GATAD2B: variants seen among roughly 807,000 people sequenced by gnomAD.
The protein encoded by GATAD2B is transcriptional repressor p66-beta.
GATAD2B carries 8 observed loss-of-function variants against 64.3 expected under a neutral mutation model. The ratio of observed to expected loss-of-function variants is 0.12; its 90% CI spans 0.07 to 0.22. The LOEUF is 0.22. Among genes scored for constraint, GATAD2B ranks in the 10% least tolerant of loss-of-function variants. GATAD2B has a pLI of 1.00. For missense variants in GATAD2B, 453 were observed against 752.0 expected (o/e 0.60, Z 4.65); for synonymous variants, 281 against 271.3 (o/e 1.04, Z -0.35).
intron 9 of GATAD2B, 32 bp downstream of exon 9, chr1:153,811,990 A>C (rs373415412): frequency 7.1e-7 from 1 of 1,412,372 alleles, no homozygotes; most frequent in Non-Finnish European, 1.0e-6. Flanking sequence ...AAATCTTCTA[A>C]AGAAATCAGG....
chr1:153,836,288 G>A (rs1387668896), intron 1 of GATAD2B, among the ~76,000 whole-genome samples: 4 of 136,108 alleles, frequency 2.9e-5, no homozygotes, highest in Non-Finnish European at 6.3e-5. Context: ...TTTTTAGACA[G>A]TCTGTCACCC....
intron 1 of GATAD2B, among the ~76,000 whole-genome samples, chr1:153,840,374 G>C (rs1186740329): frequency 6.8e-6 from 1 of 147,282 alleles, no homozygotes; most frequent in Non-Finnish European, 1.5e-5. Flanking sequence ...TTTTGCTCTT[G>C]TTGCCCAGGC....
intron 1 of GATAD2B, among the ~76,000 whole-genome samples, chr1:153,862,404 T>C (rs1005331144): frequency 1.3e-4 from 20 of 152,122 alleles, no homozygotes; most frequent in African/African-American, 4.8e-4. Flanking sequence ...ATTACAGGCA[T>C]GAGCCATCAC....
chr1:153,896,684 G>T (rs994363865), intron 1 of GATAD2B, among the ~76,000 whole-genome samples: 5 of 151,920 alleles, frequency 3.3e-5, no homozygotes, highest in Admixed American at 6.6e-5. Flanking sequence ...GATCCGCCTG[G>T]CTCGGCCTCC....
rs1674254773 is a variant in GATAD2B at position 153,810,400 on chromosome 1, T to G, written c.1649-90A>C. The G allele has an allele frequency of 3.0e-6, 4 of 1,341,060 alleles. No individual in the cohort carries two copies. In the East Asian group the frequency reaches 7.1e-5, roughly 24 times the overall value. 83.1% of individuals were successfully genotyped at this position (1,341,060 alleles called of 1,614,324 possible). On this transcript the variant is annotated intron_variant, in intron 10 of 10. Coordinates refer to ENST00000368655, the MANE Select transcript of GATAD2B (RefSeq NM_020699.4). ...TACCCTCGGGCTGCAGAGTTGGAGA[T>G]GGAAAGGAAGCAGAATTTACCAGTA...
chr1:153,906,115 CA>C (rs1317212251), intron 1 of GATAD2B, among the ~76,000 whole-genome samples: 1 of 148,754 alleles, frequency 6.7e-6, no homozygotes, highest in Non-Finnish European at 1.5e-5. Flanking sequence ...CACACACACA[CA>C]AAACAGTGTG....
chr1:153,809,921 C>A lies in GATAD2B; in HGVS notation c.*256G>T. On this transcript the variant is annotated 3_prime_UTR_variant, in exon 11 of 11. Coordinates refer to ENST00000368655, the MANE Select transcript of GATAD2B (RefSeq NM_020699.4). Reference sequence around the variant, plus strand: ...GACCTCTATCAGAGGTAAAGATCCACCTCACTGTTAAAGAAAACTGAAGAG... The same window carrying A: ...GACCTCTATCAGAGGTAAAGATCCAACTCACTGTTAAAGAAAACTGAAGAG... 1 of 381,886 alleles carries A rather than the reference C, an allele frequency of 2.6e-6. No homozygotes were observed. Among genetic ancestry groups the A allele is most frequent in the South Asian group, 4.0e-5 (1 of 24,988 alleles). 23.7% of individuals were successfully genotyped at this position (381,886 alleles called of 1,614,324 possible).
intron 2 of GATAD2B, among the ~76,000 whole-genome samples, chr1:153,823,977 G>C (rs191980128): frequency 1.3e-5 from 2 of 150,322 alleles, no homozygotes; most frequent in Admixed American, 6.6e-5. Context: ...TGATCCTCCC[G>C]CCTCGGCCTC....
chr1:153,889,646 A>C (rs1431897120), intron 1 of GATAD2B: 3 of 746,526 alleles, frequency 4.0e-6, no homozygotes, highest in Admixed American at 1.3e-4. Context: ...AAAGTTGTAG[A>C]TGCGTGAACG....
At chr1:153,905,376 C>CA (rs1469221737) in intron 1 of GATAD2B, among the ~76,000 whole-genome samples, 4 of 149,140 alleles carry the variant, frequency 2.7e-5, no homozygotes, top group South Asian at 2.1e-4. Flanking sequence ...GACTCGGTCT[C>CA]AAAAAAAATA....
At chr1:153,865,607 TAAGTA>T (rs1054584592) in intron 1 of GATAD2B, among the ~76,000 whole-genome samples, 1 of 152,224 alleles carries the variant, frequency 6.6e-6, no homozygotes, top group Non-Finnish European at 1.5e-5. Flanking sequence ...TTCTGTTACA[TAAGTA>T]AAGACTTTTA....
chr1:153,853,789 C>G (rs747544594), intron 1 of GATAD2B, among the ~76,000 whole-genome samples: 1 of 152,170 alleles, frequency 6.6e-6, no homozygotes, highest in Non-Finnish European at 1.5e-5. Context: ...GTGTACAGTA[C>G]AAGATAATTT....
chr1:153,865,643 A>T (rs1171168510), intron 1 of GATAD2B, among the ~76,000 whole-genome samples: 11 of 152,220 alleles, frequency 7.2e-5, no homozygotes, highest in Non-Finnish European at 2.9e-5. Context: ...GTCTGCCATA[A>T]GAATAACATA....
intron 1 of GATAD2B, among the ~76,000 whole-genome samples, chr1:153,831,188 A>G (rs776774712): frequency 6.6e-6 from 1 of 152,356 alleles, no homozygotes; most frequent in Non-Finnish European, 1.5e-5. Context: ...TTTGCAGTTT[A>G]AATGGATGAA....
chr1:153,882,169 C>A (rs916555777), intron 1 of GATAD2B, among the ~76,000 whole-genome samples: 1 of 152,074 alleles, frequency 6.6e-6, no homozygotes, highest in African/African-American at 2.4e-5. Flanking sequence ...ACTATCCCCC[C>A]ATCATTGCAG....
At chr1:153,897,859 C>G (rs1287604857) in intron 1 of GATAD2B, among the ~76,000 whole-genome samples, 1 of 151,926 alleles carries the variant, frequency 6.6e-6, no homozygotes, top group East Asian at 1.9e-4. Context: ...ATATTTCGTT[C>G]CCTGGGCCTG....
chr1:153,890,452 C>T (rs1677340506), intron 1 of GATAD2B: 1 of 148,046 alleles, frequency 6.8e-6, no homozygotes, highest in Non-Finnish European at 1.5e-5. Flanking sequence ...CACACCACTG[C>T]ACTCCAGCCT....
At chr1:153,910,135 A>T (rs1317575113) in intron 1 of GATAD2B, among the ~76,000 whole-genome samples, 3 of 151,814 alleles carry the variant, frequency 2.0e-5, no homozygotes, top group Admixed American at 6.6e-5. Context: ...AATAATAATA[A>T]TTTTTTAAAA....
chr1:153,838,270 T>G (rs1675343251), intron 1 of GATAD2B, among the ~76,000 whole-genome samples: 1 of 152,184 alleles, frequency 6.6e-6, no homozygotes, highest in South Asian at 2.1e-4. Context: ...TCATACACTA[T>G]GTGTCAAAGT....
Sources: allele counts gnomAD v4.1 joint callset (sites outside exome capture counted in the v4.1 genomes callset), GRCh38; gene constraint gnomAD v4.1.1; transcripts MANE v1.5; gene names NCBI Gene and HGNC (gene_info 2026-07-23, HGNC 2026-07-21).